The following AFF1 variants were observed in gnomAD, a reference collection of about 807,000 sequenced individuals.
AFF1 encodes AF4/FMR2 family member 1.
In AFF1, 48 loss-of-function variants were observed where a neutral mutation model predicts 121.7. That is an observed-to-expected ratio of 0.39 (90% confidence interval 0.31 to 0.50). The LOEUF is 0.50. Ranked by LOEUF, AFF1 falls within the 20% of genes least tolerant of loss-of-function variation. The pLI is 0.76. For synonymous variants in AFF1, 613 were observed against 563.0 expected (o/e 1.09, Z -1.26); for missense variants, 1,523 against 1,511.7 (o/e 1.01, Z -0.12).
chr4:87,029,578 T>G (rs977778954), intron 2 of AFF1, among the ~76,000 whole-genome samples: 1 of 152,204 alleles, frequency 6.6e-6, no homozygotes, highest in Non-Finnish European at 1.5e-5. Flanking sequence ...CTGGAATAGA[T>G]AGCACAGGGA....
At chr4:87,069,263 T>G (rs1307373226) in intron 4 of AFF1, among the ~76,000 whole-genome samples, 3 of 141,472 alleles carry the variant, frequency 2.1e-5, no homozygotes, top group Non-Finnish European at 3.0e-5. Context: ...GCGTGGTGTG[T>G]GTGGCCTCTT....
chr4:87,079,435 C>A (rs973054141), intron 4 of AFF1, among the ~76,000 whole-genome samples: 1 of 152,128 alleles, frequency 6.6e-6, no homozygotes, highest in African/African-American at 2.4e-5. Context: ...TTTTCTGGTC[C>A]GAAGCACTGG....
At chr4:86,963,528 CTT>C (rs1722303847) in intron 2 of AFF1, among the ~76,000 whole-genome samples, 1 of 152,164 alleles carries the variant, frequency 6.6e-6, no homozygotes, top group Non-Finnish European at 1.5e-5. Context: ...TGCATCTACT[CTT>C]TTTCATCCAA....
chr4:86,982,848 C>CAAAAAAAAAAAAAAAAAAAAAA (rs59568294), intron 2 of AFF1, among the ~76,000 whole-genome samples: 2 of 53,804 alleles, frequency 3.7e-5, no homozygotes, highest in African/African-American at 1.4e-4. Context: ...ACTCTGTCTC[C>CAAAAAAAAAAAAAAAAAAAAAA]AAAAAAAAAA....
rs78678078 is a variant in AFF1 at position 87,018,308 on chromosome 4, A to T, written c.39-27858A>T. 5.1e-3 allele frequency among the ~76,000 whole-genome samples: 770 copies of T among 152,346 alleles called. 6 individuals carry two copies. Among genetic ancestry groups the T allele is most frequent in the African/African-American group, 0.017 (708 of 41,572 alleles). On this transcript the variant is annotated intron_variant, in intron 2 of 20. Transcript: ENST00000395146. ...GAGACAGAAATAAGCAAACAAACTGACAAATAAAACAAGTGCAAATTGTGG... is the reference window on the plus strand; with the variant it reads ...GAGACAGAAATAAGCAAACAAACTGTCAAATAAAACAAGTGCAAATTGTGG...
At chr4:87,122,844 A>T (rs1416900822) in intron 12 of AFF1, among the ~76,000 whole-genome samples, 1 of 150,408 alleles carries the variant, frequency 6.6e-6, no homozygotes, top group Non-Finnish European at 1.5e-5. Flanking sequence ...CTAATACCAC[A>T]TTAAAAACTA....
At chr4:87,032,127 GA>G (rs1729140615) in intron 2 of AFF1, among the ~76,000 whole-genome samples, 1 of 152,216 alleles carries the variant, frequency 6.6e-6, no homozygotes, top group South Asian at 2.1e-4. Context: ...GACTTCTGCA[GA>G]AAAACAATGA....
At chr4:86,936,664 C>T (rs1446063629) in intron 1 of AFF1, among the ~76,000 whole-genome samples, 1 of 152,196 alleles carries the variant, frequency 6.6e-6, no homozygotes, top group East Asian at 1.9e-4. Flanking sequence ...CTTAGCTCGC[C>T]TTTCATCTTT....
In AFF1 at chr4:87,131,076, C is replaced by T. The variant is rs745497687; in HGVS notation, c.2965-7C>T. 1.9e-6 allele frequency: 3 copies of T among 1,613,646 alleles called. No homozygotes were observed. The highest frequency in any genetic ancestry group is 1.7e-4 in the Middle Eastern group (1 of 6,058). ...AGCCTAACAATGACCATGTTCTTCT[C>T]CTGCAGACGGACAGGGTTGGAAAGG... On this transcript the variant is annotated splice_region_variant and splice_polypyrimidine_tract_variant and intron_variant, in intron 16 of 20. Coordinates refer to ENST00000395146, the MANE Select transcript of AFF1 (RefSeq NM_001166693.3).
chr4:87,135,633 T>A lies in AFF1; in HGVS notation c.3589T>A (p.Leu1197Met). ...GTGCACCTTGGCCCTCAACAGCAGT[T>A]TGGTGGACCTGGTGCACTATACACG... ...NVCTLALNSS[L>M]VDLVHYTRQG... The change falls in exon 21 of 21, where the codon TTG (leucine) becomes ATG (methionine). Residue 1197 changes from leucine (L) to methionine (M), a missense_variant. This residue lies in a region of AFF1 where 241 missense variants were observed against 265.2 expected (regional missense o/e 0.91). Transcript: ENST00000395146. 1 of 1,612,700 alleles carries A rather than the reference T, an allele frequency of 6.2e-7. No individual in the cohort carries two copies. Among genetic ancestry groups the A allele is most frequent in the Non-Finnish European group, 8.5e-7 (1 of 1,179,292 alleles).
At position 87,136,150 on chromosome 4, in the gene AFF1, G is replaced by A. The variant is rs1729284657; in HGVS notation, c.*449G>A. Reference sequence around the variant, plus strand: ...TTTTAACAATGACTTTTGGTAAAGGGTTTTGTGGATGATTTTTTTTCTTTT... The same window carrying A: ...TTTTAACAATGACTTTTGGTAAAGGATTTTGTGGATGATTTTTTTTCTTTT... On this transcript the variant is annotated 3_prime_UTR_variant, in exon 21 of 21. Transcript: ENST00000395146. 1 of 233,134 alleles carries A rather than the reference G, an allele frequency of 4.3e-6. No homozygotes were observed. Among genetic ancestry groups the A allele is most frequent in the Non-Finnish European group, 8.5e-6 (1 of 118,192 alleles). The allele number at this position is 233,134 out of a possible 1,614,324, so 14.4% of individuals were successfully genotyped here. A position where few individuals can be genotyped will look rare whatever the true frequency, so the allele number is the denominator to read the frequency against.
At chr4:87,054,406 G>C (rs1455782127) in intron 4 of AFF1, among the ~76,000 whole-genome samples, 33 of 152,146 alleles carry the variant, frequency 2.2e-4, no homozygotes, top group Admixed American at 2.2e-3. Context: ...GCACAGGAGT[G>C]GGATCCCCAA....
intron 2 of AFF1, among the ~76,000 whole-genome samples, chr4:87,015,605 T>C (rs1220792620): frequency 2.0e-5 from 3 of 152,214 alleles, no homozygotes; most frequent in African/African-American, 7.2e-5. Context: ...CTGTCACTGC[T>C]GATGGTGTGA....
rs747348449 is a variant in AFF1, at chr4:87,139,840, G to C, written c.*4139G>C. ...TGCAATCCAGTTGTGTTGGTTTCTC[G>C]GTGACTTGGAGTGTTCATCTCTTCA... On this transcript the variant is annotated 3_prime_UTR_variant, in exon 21 of 21. Transcript: ENST00000395146. 1 of 224,072 alleles carries C rather than the reference G, an allele frequency of 4.5e-6. No individual in the cohort carries two copies. Among genetic ancestry groups the C allele is most frequent in the African/African-American group, 2.2e-5 (1 of 44,742 alleles). 13.9% of individuals were successfully genotyped at this position (224,072 alleles called of 1,614,324 possible).
chr4:87,126,952 A>T, intron 14 of AFF1, 74 bp from the exon 15 acceptor site: 2 of 1,318,636 alleles, frequency 1.5e-6, no homozygotes, highest in Non-Finnish European at 2.2e-6. Context: ...CGGGCTATTT[A>T]AGAGGGATGG....
intron 2 of AFF1, among the ~76,000 whole-genome samples, chr4:87,041,078 C>T (rs1035204073): frequency 6.6e-6 from 1 of 151,142 alleles, no homozygotes; most frequent in African/African-American, 2.4e-5. Context: ...GGTTTCACCA[C>T]GTTGGCCAAG....
At chr4:87,100,452 C>T (rs907341669) in intron 8 of AFF1, among the ~76,000 whole-genome samples, 2 of 152,204 alleles carry the variant, frequency 1.3e-5, no homozygotes, top group East Asian at 3.9e-4. Flanking sequence ...GTGCTCTCTC[C>T]CTCCTTTCAG....
At position 87,138,492 on chromosome 4, in the gene AFF1, TG is replaced by T. The variant is rs1729472961; in HGVS notation, c.*2792del. ...AAATCTTGCCTTTGGCACTACAAGG[TG>T]TGTGTGTGTGTGTGTGTGTGTGTGT... On this transcript the variant is annotated 3_prime_UTR_variant, in exon 21 of 21. Coordinates refer to ENST00000395146, the MANE Select transcript of AFF1 (RefSeq NM_001166693.3). 7.7e-5 allele frequency: 2 copies of T among 26,140 alleles called. No individual in the cohort carries two copies. The highest frequency in any genetic ancestry group is 3.4e-4 in the East Asian group (1 of 2,920). The allele number at this position is 26,140 out of a possible 1,614,324, so 1.6% of individuals were successfully genotyped here.
At chr4:86,971,018 A>T (rs1014119128) in intron 2 of AFF1, among the ~76,000 whole-genome samples, 1 of 152,184 alleles carries the variant, frequency 6.6e-6, no homozygotes. Flanking sequence ...GTTCCATCAG[A>T]GGAGTAGCAC....
Sources: allele counts gnomAD v4.1 joint callset (sites outside exome capture counted in the v4.1 genomes callset), GRCh38; gene constraint gnomAD v4.1.1; regional missense constraint gnomAD v4.1.1; transcripts MANE v1.5; gene names NCBI Gene and HGNC (gene_info 2026-07-23, HGNC 2026-07-21).